The following TCF20 variants were observed in gnomAD, a reference collection of about 807,000 sequenced individuals.
The protein encoded by TCF20 is transcription factor 20, also known as SPRE-binding protein.
In TCF20, 3 loss-of-function variants were observed where a neutral mutation model predicts 148.6. The ratio of observed to expected loss-of-function variants is 0.02; its 90% CI spans 0.01 to 0.05. The LOEUF is 0.05. Ranked by LOEUF, TCF20 falls within the 10% of genes least tolerant of loss-of-function variation. The pLI is 1.00. For missense variants in TCF20, 2,350 were observed against 2,429.3 expected, an observed-to-expected ratio of 0.97 and a Z score of 0.69; for synonymous variants, 1,049 against 909.5, an observed-to-expected ratio of 1.15 and a Z score of -2.76.
intron 5 of TCF20, among the ~76,000 whole-genome samples, chr22:42,166,708 G>C (rs1364609923): frequency 1.3e-5 from 2 of 151,752 alleles, no homozygotes; most frequent in Non-Finnish European, 2.9e-5. Flanking sequence ...CAGGAGATTT[G>C]TCCACCAGGC....
intron 1 of TCF20, among the ~76,000 whole-genome samples, chr22:42,220,936 CAGA>C (rs1159816940): frequency 6.6e-6 from 1 of 152,196 alleles, no homozygotes; most frequent in African/African-American, 2.4e-5. Context: ...ACTGCTAGCA[CAGA>C]AGACTTCACT....
At chr22:42,339,244 A>C (rs1193369485) in intron 1 of TCF20, among the ~76,000 whole-genome samples, 1 of 152,234 alleles carries the variant, frequency 6.6e-6, no homozygotes, top group Non-Finnish European at 1.5e-5. Flanking sequence ...TGTGGTTTCC[A>C]GTTTACATCT....
intron 1 of TCF20, among the ~76,000 whole-genome samples, chr22:42,323,025 G>C (rs1374867391): frequency 6.6e-6 from 1 of 151,596 alleles, no homozygotes; most frequent in Non-Finnish European, 1.5e-5. Flanking sequence ...TCCTGCCTCA[G>C]CCTCCCGAGT....
chr22:42,337,144 G>A (rs1928081359), intron 1 of TCF20, among the ~76,000 whole-genome samples: 1 of 152,168 alleles, frequency 6.6e-6, no homozygotes, highest in Admixed American at 6.5e-5. Flanking sequence ...GGGCCCTCCA[G>A]ATGCTGCTGC....
intron 1 of TCF20, among the ~76,000 whole-genome samples, chr22:42,331,042 GGCGGTCCTGGGCATGCGGTTGCACT>G (rs1927965116): frequency 6.6e-6 from 1 of 152,256 alleles, no homozygotes; most frequent in African/African-American, 2.4e-5. Context: ...TCGGGGCTGG[GGCGGTCCTGGGCATGCGGTTGCACT>G]GCTGAGTCGG....
chr22:42,275,997 C>T (rs1926770058), intron 1 of TCF20, among the ~76,000 whole-genome samples: 1 of 152,204 alleles, frequency 6.6e-6, no homozygotes. Context: ...TGACAGGCTA[C>T]AGGGCCCCTG....
chr22:42,282,329 C>T (rs1321193660), intron 1 of TCF20, among the ~76,000 whole-genome samples: 3 of 152,226 alleles, frequency 2.0e-5, no homozygotes, highest in Admixed American at 6.5e-5. Flanking sequence ...CATGTCACTG[C>T]ACCTGCCTGA....
Position 42,290,294 on chromosome 22 carries a change from C to T in TCF20, c.-37+53185G>A, listed in dbSNP as rs1436475130. Among the ~76,000 whole-genome samples, 3 of 152,312 alleles carry T rather than the reference C, an allele frequency of 2.0e-5. No homozygotes were observed. The highest frequency in any genetic ancestry group is 1.9e-4 in the East Asian group (1 of 5,174). ...CAGGAGGCTCGGGGCCCCTGAGAAG[C>T]GGCCCAGCACAGGCCGTCTGATGTC... On this transcript the variant is annotated intron_variant, in intron 1 of 1. Coordinates refer to the TCF20 transcript ENST00000515426. This position sits in a 1 kb window ranked among gnomAD's most constrained non-coding sequence, Gnocchi z 4.2.
intron 1 of TCF20, among the ~76,000 whole-genome samples, chr22:42,340,137 C>G (rs995206320): frequency 1.3e-5 from 2 of 152,178 alleles, no homozygotes; most frequent in Non-Finnish European, 2.9e-5. Flanking sequence ...TCACTGGCCC[C>G]CTTAGAGCCG....
At chr22:42,174,839 T>A (rs750855734) in intron 3 of TCF20, among the ~76,000 whole-genome samples, 8 of 151,816 alleles carry the variant, frequency 5.3e-5, no homozygotes, top group Non-Finnish European at 1.2e-4. Context: ...ATCGAGACCA[T>A]CCCGGCTAAC....
At chr22:42,219,506 G>A (rs1273371878) in intron 1 of TCF20, among the ~76,000 whole-genome samples, 2 of 151,480 alleles carry the variant, frequency 1.3e-5, no homozygotes, top group Admixed American at 6.6e-5. Flanking sequence ...AATACAAATA[G>A]TAAGGAAAAT....
chr22:42,170,000 C>T (rs995077613), intron 3 of TCF20, 104 bp from the exon 4 acceptor site: 5 of 1,089,178 alleles, frequency 4.6e-6, no homozygotes, highest in African/African-American at 1.6e-5. Flanking sequence ...TAGCAGGTCG[C>T]TACACTTACT....
At chr22:42,301,799 G>A (rs1296041935) in intron 1 of TCF20, among the ~76,000 whole-genome samples, 1 of 152,238 alleles carries the variant, frequency 6.6e-6, no homozygotes, top group African/African-American at 2.4e-5. Context: ...CAAAACCCGA[G>A]CAGATGGGCA....
intron 1 of TCF20, among the ~76,000 whole-genome samples, chr22:42,216,405 T>C (rs191537397): frequency 6.6e-5 from 10 of 152,298 alleles, no homozygotes; most frequent in Non-Finnish European, 1.2e-4. Context: ...TTTACTATAA[T>C]TGCCAACTAC....
chr22:42,184,830 C>T (rs981716798), intron 2 of TCF20, among the ~76,000 whole-genome samples: 1 of 152,152 alleles, frequency 6.6e-6, no homozygotes, highest in African/African-American at 2.4e-5. Flanking sequence ...TTTTTTGATA[C>T]TCTAAACTTG....
At chr22:42,283,772 C>G (rs984959248) in intron 1 of TCF20, among the ~76,000 whole-genome samples, 2 of 151,808 alleles carry the variant, frequency 1.3e-5, no homozygotes, top group African/African-American at 4.8e-5. Flanking sequence ...GGGCACGCCT[C>G]GCACGCCAGA....
At chr22:42,284,756 A>C, upstream of TCF20, among the ~76,000 whole-genome samples, 1 of 152,230 alleles carries the variant, frequency 6.6e-6, no homozygotes, top group Non-Finnish European at 1.5e-5. Flanking sequence ...CTCTGTGTAC[A>C]ACAGCAGCGT....
At chr22:42,315,663 G>T (rs916654656) in intron 1 of TCF20, among the ~76,000 whole-genome samples, 1 of 152,208 alleles carries the variant, frequency 6.6e-6, no homozygotes, top group African/African-American at 2.4e-5. Flanking sequence ...TAGGGGGCCA[G>T]AGAGGGGGGC....
At chr22:42,311,979 A>G (rs921626030) in intron 1 of TCF20, among the ~76,000 whole-genome samples, 4 of 152,236 alleles carry the variant, frequency 2.6e-5, no homozygotes, top group African/African-American at 9.6e-5. Flanking sequence ...AGTTATGCCA[A>G]AGGAATGAAT....
Sources: allele counts gnomAD v4.1 joint callset (sites outside exome capture counted in the v4.1 genomes callset), GRCh38; gene constraint gnomAD v4.1.1; non-coding constraint Gnocchi (gnomAD v3.1); transcripts MANE v1.5; gene names NCBI Gene and HGNC (gene_info 2026-07-23, HGNC 2026-07-21).